ARHGAP24: variants seen among roughly 807,000 people sequenced by gnomAD.
ARHGAP24 encodes the protein rho GTPase-activating protein 24.
In ARHGAP24, 50 loss-of-function variants were observed where a neutral mutation model predicts 76.4. The ratio of observed to expected loss-of-function variants is 0.65; its 90% confidence interval spans 0.52 to 0.83. The LOEUF is 0.83. Among genes scored for constraint, ARHGAP24 ranks in the 40% least tolerant of loss-of-function variants. ARHGAP24 has a pLI of 0.00. For synonymous variants in ARHGAP24, 345 were observed against 323.3 expected, an observed-to-expected ratio of 1.07 and a Z score of -0.72; for missense variants, 930 against 914.2, an observed-to-expected ratio of 1.02 and a Z score of -0.22.
At chr4:85,564,710 C>T (rs1446481378) in intron 1 of ARHGAP24, among the ~76,000 whole-genome samples, 9 of 151,284 alleles carry the variant, frequency 5.9e-5, no homozygotes, top group Non-Finnish European at 1.3e-4. Flanking sequence ...AGCGCACGAC[C>T]TAGATCCCTT....
At chr4:85,960,483 G>T (rs542578472) in intron 5 of ARHGAP24, among the ~76,000 whole-genome samples, 1 of 152,194 alleles carries the variant, frequency 6.6e-6, no homozygotes, top group Non-Finnish European at 1.5e-5. Context: ...ACTAGAAGAT[G>T]AACTCAAAGA....
chr4:85,507,285 G>A (rs746333840), intron 1 of ARHGAP24, among the ~76,000 whole-genome samples: 26 of 152,092 alleles, frequency 1.7e-4, no homozygotes, highest in South Asian at 1.2e-3. Flanking sequence ...GCAGTGGTGC[G>A]ATCATGGCTC....
chr4:85,609,736 G>A (rs1352632119), intron 2 of ARHGAP24, among the ~76,000 whole-genome samples: 1 of 152,096 alleles, frequency 6.6e-6, no homozygotes, highest in Non-Finnish European at 1.5e-5. Context: ...ATGGGACACA[G>A]TGTGATGTCT....
At chr4:85,972,294 C>T in intron 6 of ARHGAP24, 126 bp downstream of exon 6, 1 of 1,244,814 alleles carries the variant, frequency 8.0e-7, no homozygotes, top group Non-Finnish European at 1.1e-6. Context: ...TTGAATTGAC[C>T]TCACACACAC....
At chr4:85,495,025 G>A (rs1438380986) in intron 1 of ARHGAP24, among the ~76,000 whole-genome samples, 1 of 150,340 alleles carries the variant, frequency 6.7e-6, no homozygotes, top group Non-Finnish European at 1.5e-5. Flanking sequence ...AACCCGGGAG[G>A]CGGAGCTTGC....
chr4:85,515,952 A>G (rs1374121373), intron 1 of ARHGAP24, among the ~76,000 whole-genome samples: 1 of 152,144 alleles, frequency 6.6e-6, no homozygotes, highest in African/African-American at 2.4e-5. Context: ...GTCAAACTTG[A>G]ACATCTTTGC....
intron 3 of ARHGAP24, among the ~76,000 whole-genome samples, chr4:85,899,855 C>T (rs558579130): frequency 2.8e-4 from 43 of 152,226 alleles, no homozygotes; most frequent in African/African-American, 1.0e-3. Context: ...TGAAACCAGC[C>T]TGGGCAATGT....
chr4:85,655,579 C>T (rs1213885535), intron 2 of ARHGAP24, among the ~76,000 whole-genome samples: 1 of 151,612 alleles, frequency 6.6e-6, no homozygotes, highest in Admixed American at 6.6e-5. Context: ...GCCAGGAGTT[C>T]GAGACCAGAC....
Position 85,995,321 on chromosome 4 carries a change from C to A in ARHGAP24, c.1667C>A (p.Ser556Tyr). The A allele has an allele frequency of 1.9e-6, 3 of 1,614,070 alleles. No individual in the cohort carries two copies. Among genetic ancestry groups the A allele is most frequent in the Non-Finnish European group, 2.5e-6 (3 of 1,180,024 alleles). The change falls in exon 9 of 10, where the codon TCC becomes TAC. Residue 556 changes from serine (S) to tyrosine (Y), a missense_variant. By Grantham distance (144) the Ser-to-Tyr change is moderately radical (BLOSUM62 -2). Coordinates refer to ENST00000395184, the MANE Select transcript of ARHGAP24 (RefSeq NM_001025616.3). The stretch of plus-strand genomic sequence containing the variant: ...CAGAGCATTGACAGTGCTACCTGGT[C>A]CACTTCCTCCTGTGAAATCTCCCTC... ...DKQSIDSATW[S>Y]TSSCEISLPE...
intron 1 of ARHGAP24, among the ~76,000 whole-genome samples, chr4:85,556,755 A>G (rs1208761314): frequency 6.6e-6 from 1 of 152,140 alleles, no homozygotes; most frequent in African/African-American, 2.4e-5. Context: ...GCATCTCCAT[A>G]GGTCTCCAAC....
At chr4:85,982,960 C>T (rs1339367113) in intron 8 of ARHGAP24, among the ~76,000 whole-genome samples, 1 of 152,106 alleles carries the variant, frequency 6.6e-6, no homozygotes, top group African/African-American at 2.4e-5. Context: ...GTGTTGTTCC[C>T]CTCCCTATGT....
intron 3 of ARHGAP24, among the ~76,000 whole-genome samples, chr4:85,835,359 A>G (rs2110140481): frequency 6.6e-6 from 1 of 151,914 alleles, no homozygotes; most frequent in Middle Eastern, 3.4e-3. Context: ...GGAGATTGAG[A>G]CCATCCTAGC....
chr4:85,591,520 C>T (rs1578061569), intron 2 of ARHGAP24, among the ~76,000 whole-genome samples: 1 of 152,140 alleles, frequency 6.6e-6, no homozygotes, highest in Non-Finnish European at 1.5e-5. Context: ...CTGCAGTGCT[C>T]AACTCTAATG....
intron 1 of ARHGAP24, among the ~76,000 whole-genome samples, chr4:85,500,339 A>G (rs1358291625): frequency 6.6e-6 from 1 of 152,218 alleles, no homozygotes; most frequent in African/African-American, 2.4e-5. Context: ...TATTCATTTC[A>G]GTGCCATGGC....
chr4:85,990,740 C>T (rs1406320348), intron 8 of ARHGAP24: 1 of 151,854 alleles, frequency 6.6e-6, no homozygotes, highest in African/African-American at 2.4e-5. Flanking sequence ...TAAATTACCT[C>T]AATCCTTGCC....
intron 2 of ARHGAP24, among the ~76,000 whole-genome samples, chr4:85,593,810 A>G (rs1014234318): frequency 1.3e-5 from 2 of 152,086 alleles, no homozygotes; most frequent in African/African-American, 4.8e-5. Flanking sequence ...ACACTGGTCT[A>G]TATGTCTGCT....
intron 8 of ARHGAP24, among the ~76,000 whole-genome samples, chr4:85,978,826 A>T (rs1404686927): frequency 1.3e-5 from 2 of 152,120 alleles, no homozygotes; most frequent in African/African-American, 4.8e-5. Flanking sequence ...CTGTGCCCTG[A>T]CCCAATCCCA....
intron 1 of ARHGAP24, among the ~76,000 whole-genome samples, chr4:85,487,614 A>G (rs1453208739): frequency 2.9e-5 from 3 of 104,486 alleles, no homozygotes; most frequent in Non-Finnish European, 5.1e-5. Flanking sequence ...TATATTATAT[A>G]AACATATATT....
At chr4:85,743,936 A>C (rs1725929351) in intron 3 of ARHGAP24, among the ~76,000 whole-genome samples, 1 of 152,236 alleles carries the variant, frequency 6.6e-6, no homozygotes, top group Admixed American at 6.5e-5. Flanking sequence ...TTGATTATTT[A>C]ATTCCTAGCA....
Sources: gnomAD v4.1 joint callset for allele counts (sites outside exome capture counted in the v4.1 genomes callset) on GRCh38, gnomAD v4.1.1 for gene constraint, MANE v1.5 for transcripts, NCBI Gene and HGNC (gene_info 2026-07-23, HGNC 2026-07-21) for gene names.